The following SLC9A1 variants were observed in gnomAD, a reference collection of about 807,000 sequenced individuals.
SLC9A1 encodes solute carrier family 9 member A1, also known as sodium/hydrogen exchanger 1.
Under a neutral mutation model 67.9 loss-of-function variants are expected in SLC9A1, and 22 were observed. The ratio of observed to expected loss-of-function variants is 0.32; its 90% CI spans 0.23 to 0.46. The LOEUF is 0.46. SLC9A1 is among the 20% of genes least tolerant of loss of function. The probability of loss-of-function intolerance (pLI) is 1.00; values close to 1 mark genes in which losing one functional copy is unlikely to be tolerated. For missense variants in SLC9A1, 686 were observed against 1,094.8 expected, an observed-to-expected ratio of 0.63 and a Z score of 5.27; for synonymous variants, 421 against 471.8, an observed-to-expected ratio of 0.89 and a Z score of 1.40.
chr1:27,124,765 C>A (rs1488920183), intron 1 of SLC9A1, among the ~76,000 whole-genome samples: 2 of 152,068 alleles, frequency 1.3e-5, no homozygotes, highest in Non-Finnish European at 2.9e-5. Flanking sequence ...GTTAGCCATC[C>A]TCCACTTGGA....
rs376562018 is a variant in SLC9A1, at chr1:27,102,431, C to T, written c.1774G>A (p.Gly592Arg). ...MKQAIELVESGGMGKIPSAVS... is the reference protein window; with the variant it reads ...MKQAIELVESRGMGKIPSAVS... ...GCAGAGGGGATCTTGCCCATGCCCC[C>T]GCTCTCCACCAGCTCGATGGCCTGC... Residue 592 changes from glycine (G) to arginine (R), a missense_variant, in exon 8 of 12, where the codon GGG becomes AGG. Around this residue, in one of 7 missense-constraint regions of SLC9A1, gnomAD observed 168 missense variants for 375.4 expected, o/e 0.45. Coordinates refer to ENST00000263980, the MANE Select transcript of SLC9A1 (RefSeq NM_003047.5). The T allele has an allele frequency of 7.5e-6, 12 of 1,607,462 alleles. No individual in the cohort carries two copies. The highest frequency in any genetic ancestry group is 2.7e-5 in the African/African-American group (2 of 74,824).
chr1:27,128,420 C>T (rs1324847516), intron 1 of SLC9A1, among the ~76,000 whole-genome samples: 3 of 152,060 alleles, frequency 2.0e-5, no homozygotes, highest in Non-Finnish European at 4.4e-5. Flanking sequence ...GCGGGGGAGG[C>T]CGAGGCGAGA....
intron 1 of SLC9A1, among the ~76,000 whole-genome samples, chr1:27,150,667 A>G (rs917769229): frequency 4.6e-5 from 7 of 152,098 alleles, no homozygotes; most frequent in Non-Finnish European, 7.4e-5. Flanking sequence ...CTGGGGAGAG[A>G]AAAAAGGTCC....
chr1:27,119,066 C>A (rs553375920), intron 1 of SLC9A1, among the ~76,000 whole-genome samples: 1 of 151,932 alleles, frequency 6.6e-6, no homozygotes, highest in African/African-American at 2.4e-5. Context: ...CACACACACA[C>A]ACACACACAC....
At chr1:27,138,758 G>C (rs76316106) in intron 1 of SLC9A1, among the ~76,000 whole-genome samples, 1 of 152,138 alleles carries the variant, frequency 6.6e-6, no homozygotes, top group African/African-American at 2.4e-5. Flanking sequence ...ACAGGGAAAG[G>C]GTAGTGGGGC....
intron 1 of SLC9A1, among the ~76,000 whole-genome samples, chr1:27,124,718 C>A (rs957406522): frequency 6.6e-6 from 1 of 152,098 alleles, no homozygotes; most frequent in Non-Finnish European, 1.5e-5. Context: ...CTATTGTGTG[C>A]CCTCACAGCA....
intron 1 of SLC9A1, among the ~76,000 whole-genome samples, chr1:27,140,160 C>CT (rs1466913151): frequency 1.3e-5 from 2 of 151,974 alleles, no homozygotes; most frequent in Non-Finnish European, 2.9e-5. Context: ...ACCCACCCAC[C>CT]TCCACTCCTC....
intron 1 of SLC9A1, among the ~76,000 whole-genome samples, chr1:27,144,862 T>A (rs1460285580): frequency 6.6e-6 from 1 of 151,950 alleles, no homozygotes; most frequent in East Asian, 1.9e-4. Flanking sequence ...CACAAAAAAT[T>A]AGCTGGGCGT....
rs1326035955 is a variant in SLC9A1 at position 27,114,993 on chromosome 1, T to G, written c.353-707A>C. On this transcript the variant is annotated intron_variant, in intron 1 of 11. Coordinates refer to ENST00000263980, the MANE Select transcript of SLC9A1 (RefSeq NM_003047.5). This position sits in a 1 kb window ranked among gnomAD's most constrained non-coding sequence, Gnocchi z 5.4. ...TGGCAACCAGCTTTGGCAGGTGAGATAAAATCTATTTGCTATCCCGCTTCT... is the reference window on the plus strand; with the variant it reads ...TGGCAACCAGCTTTGGCAGGTGAGAGAAAATCTATTTGCTATCCCGCTTCT... 6.6e-6 allele frequency among the ~76,000 whole-genome samples: 1 copy of G among 152,104 alleles called. No individual in the cohort carries two copies. Among genetic ancestry groups the G allele is most frequent in the South Asian group, 2.1e-4 (1 of 4,818 alleles).
chr1:27,154,111 T>C lies in SLC9A1; in HGVS notation c.224A>G (p.Asn75Ser), dbSNP rs1399020249. The C allele has an allele frequency of 2.5e-6, 4 of 1,613,966 alleles. No homozygotes were observed. Among genetic ancestry groups the C allele is most frequent in the Admixed American group, 1.7e-5 (1 of 59,988 alleles). ...PEVTPESRPV[N>S]HSVTDHGMKP... ...CATGCCATGATCAGTGACGGAATGA[T>C]TAACAGGGCGGCTCTCTGGGGTGAC... Residue 75 changes from asparagine to serine, a missense_variant, in exon 1 of 12, where the codon AAT becomes AGT. Coordinates refer to ENST00000263980, the MANE Select transcript of SLC9A1 (RefSeq NM_003047.5).
chr1:27,105,307 C>CT (rs898508100), intron 5 of SLC9A1: 112 of 198,106 alleles, frequency 5.7e-4, no homozygotes, highest in South Asian at 1.3e-3. Context: ...CTCTCTTTTT[C>CT]TTTTTTTTTG....
intron 2 of SLC9A1, among the ~76,000 whole-genome samples, chr1:27,110,162 GGACTAAATCAGCGAA>G (rs2083218192): frequency 6.6e-6 from 1 of 152,212 alleles, no homozygotes; most frequent in Non-Finnish European, 1.5e-5. Flanking sequence ...ACTGCTGTGA[GGACTAAATCAGCGAA>G]TCAAGTGCTC....
At chr1:27,115,309 A>G (rs777122423) in intron 1 of SLC9A1, among the ~76,000 whole-genome samples, 2 of 152,122 alleles carry the variant, frequency 1.3e-5, no homozygotes, top group Non-Finnish European at 2.9e-5. Context: ...TCAAACCCAG[A>G]GCTGAGGAGT....
intron 1 of SLC9A1, among the ~76,000 whole-genome samples, chr1:27,143,108 A>G (rs371864304): frequency 1.1e-3 from 159 of 151,364 alleles, no homozygotes; most frequent in African/African-American, 3.5e-3. Context: ...TGATAAAATC[A>G]CATATATACA....
At position 27,137,036 on chromosome 1, in the gene SLC9A1, T is replaced by C. The variant is rs915638932; in HGVS notation, c.352+16947A>G. Among the ~76,000 whole-genome samples, 9 of 152,226 alleles carry C rather than the reference T, an allele frequency of 5.9e-5. No individual in the cohort carries two copies. Among genetic ancestry groups the C allele is most frequent in the African/African-American group, 1.9e-4 (8 of 41,462 alleles). ...AGTGGTAGTGCCAGATGGAGCCCCA[T>C]CTGCCCCCAGGGCCCACCTGCAACG... On this transcript the variant is annotated intron_variant, in intron 1 of 11. Coordinates refer to ENST00000263980, the MANE Select transcript of SLC9A1 (RefSeq NM_003047.5). The surrounding 1 kb of genome is among the most constrained non-coding windows in gnomAD (Gnocchi z 4.6).
rs2083137354 is a variant in SLC9A1 at position 27,100,788 on chromosome 1, G to A, written c.2111-144C>T. The A allele has an allele frequency of 1.5e-6, 1 of 675,858 alleles. No homozygotes were observed. Among genetic ancestry groups the A allele is most frequent in the South Asian group, 1.8e-5 (1 of 55,524 alleles). 41.9% of individuals were successfully genotyped at this position (675,858 alleles called of 1,614,324 possible). On this transcript the variant is annotated intron_variant, in intron 11 of 11. Transcript: ENST00000263980. This position sits in a 1 kb window ranked among gnomAD's most constrained non-coding sequence, Gnocchi z 5.6. Reference sequence around the variant, plus strand: ...CAACAGGCCTCAGAAGCAGGCCTCTGCGACCTTCCACCCCACAGCTTCTCT... The same window carrying A: ...CAACAGGCCTCAGAAGCAGGCCTCTACGACCTTCCACCCCACAGCTTCTCT...
At chr1:27,148,954 T>G (rs2083507207) in intron 1 of SLC9A1, among the ~76,000 whole-genome samples, 1 of 152,150 alleles carries the variant, frequency 6.6e-6, no homozygotes, top group Non-Finnish European at 1.5e-5. Context: ...CAAGCTCTGG[T>G]CTGATGGCTG....
At chr1:27,153,899 C>T in intron 1 of SLC9A1, 84 bp downstream of exon 1, 1 of 914,132 alleles carries the variant, frequency 1.1e-6, no homozygotes, top group Non-Finnish European at 1.7e-6. Context: ...ATCCTTACTC[C>T]TGGACAGCCT....
intron 1 of SLC9A1, among the ~76,000 whole-genome samples, chr1:27,120,966 C>T (rs1282321447): frequency 6.6e-6 from 1 of 152,128 alleles, no homozygotes; most frequent in African/African-American, 2.4e-5. Context: ...CTCTGAACTG[C>T]TAGTTCTTTG....
Sources: gnomAD v4.1 joint callset for allele counts (sites outside exome capture counted in the v4.1 genomes callset) on GRCh38, gnomAD v4.1.1 for gene constraint, gnomAD v4.1.1 regional missense constraint, Gnocchi (gnomAD v3.1) non-coding constraint, MANE v1.5 for transcripts, NCBI Gene and HGNC (gene_info 2026-07-23, HGNC 2026-07-21) for gene names.